The following NAALADL2 variants were observed in gnomAD, a reference collection of about 807,000 sequenced individuals.
The protein encoded by NAALADL2 is inactive N-acetylated-alpha-linked acidic dipeptidase-like protein 2.
Under a neutral mutation model 87.2 loss-of-function variants are expected in NAALADL2, and 76 were observed. The ratio of observed to expected loss-of-function variants is 0.87; its 90% CI spans 0.72 to 1.05. The LOEUF (loss-of-function observed/expected upper bound fraction) is 1.05, where lower values mean the gene tolerates loss of function less well. Ranked by LOEUF, NAALADL2 falls within the 50% of genes least tolerant of loss-of-function variation. The pLI, the probability that NAALADL2 is intolerant of heterozygous loss-of-function variation, is 0.00. For missense variants in NAALADL2, 1,089 were observed against 945.8 expected (o/e 1.15, Z -1.99); for synonymous variants, 354 against 331.0 (o/e 1.07, Z -0.75).
At chr3:174,840,397 G>C (rs1723886165) in intron 3 of NAALADL2, among the ~76,000 whole-genome samples, 1 of 152,022 alleles carries the variant, frequency 6.6e-6, no homozygotes. Flanking sequence ...TCGGAAGATA[G>C]GGTCATGTTT....
chr3:174,624,409 A>T (rs185410451), intron 2 of NAALADL2, among the ~76,000 whole-genome samples: 3 of 152,102 alleles, frequency 2.0e-5, no homozygotes, highest in African/African-American at 4.8e-5. Flanking sequence ...GGATCATTTG[A>T]GGTTAGGAGT....
intron 11 of NAALADL2, among the ~76,000 whole-genome samples, chr3:175,652,631 A>G (rs987373131): frequency 1.8e-4 from 27 of 151,060 alleles, no homozygotes; most frequent in Non-Finnish European, 1.8e-4. Context: ...GGCGCCCACC[A>G]CCGCGCCCGG....
intron 2 of NAALADL2, among the ~76,000 whole-genome samples, chr3:175,169,590 T>C (rs13068859): frequency 0.27 from 40,868 of 151,632 alleles, 6,158 homozygotes; most frequent in Non-Finnish European, 0.34. Flanking sequence ...AATGTGATAT[T>C]CTCATTTTGT....
chr3:174,526,309 G>A (rs1720742417), intron 1 of NAALADL2, among the ~76,000 whole-genome samples: 2 of 152,070 alleles, frequency 1.3e-5, no homozygotes, highest in South Asian at 4.1e-4. Context: ...ATTAGCATTG[G>A]GAACCTAGAC....
At chr3:174,630,083 A>G (rs969839819) in intron 2 of NAALADL2, among the ~76,000 whole-genome samples, 2 of 152,202 alleles carry the variant, frequency 1.3e-5, no homozygotes, top group African/African-American at 4.8e-5. Context: ...AAGGTAATGC[A>G]TTATGTCTAT....
At chr3:175,718,223 T>TTTTTTTTTTTTTTAAAA in intron 11 of NAALADL2, 1 of 1,009,324 alleles carries the variant, frequency 9.9e-7, no homozygotes, top group Non-Finnish European at 1.4e-6. Context: ...TTTTTTTTTT[T>TTTTTTTTTTTTTTAAAA]GATTAGTTGC....
rs142115929 is a variant in NAALADL2, at chr3:175,002,351, A to G, written c.44-94439A>G. On this transcript the variant is annotated intron_variant, in intron 1 of 13. Coordinates refer to ENST00000454872, the MANE Select transcript of NAALADL2 (RefSeq NM_207015.3). Reference sequence around the variant, plus strand: ...AGAAGATTATATTGTTCGAATGACCACTATATATGACCTAAAAAGCAAAAG... The same window carrying G: ...AGAAGATTATATTGTTCGAATGACCGCTATATATGACCTAAAAAGCAAAAG... 2.6e-3 allele frequency among the ~76,000 whole-genome samples: 397 copies of G among 152,318 alleles called. 2 individuals carry two copies. Among genetic ancestry groups the G allele is most frequent in the Admixed American group, 0.016 (249 of 15,286 alleles).
intron 11 of NAALADL2, among the ~76,000 whole-genome samples, chr3:175,735,040 T>C (rs1159521895): frequency 6.6e-6 from 1 of 152,198 alleles, no homozygotes; most frequent in South Asian, 2.1e-4. Context: ...CTGAATGCCT[T>C]TATCAGCACC....
At position 175,309,477 on chromosome 3, in the gene NAALADL2, T is replaced by C. The variant is rs564325447; in HGVS notation, c.940-14698T>C. 3.6e-4 allele frequency among the ~76,000 whole-genome samples: 55 copies of C among 152,238 alleles called. 1 individual carries two copies. The South Asian group carries it at 9.7e-3, about 27-fold the overall frequency. On this transcript the variant is annotated intron_variant, in intron 4 of 13. Transcript: ENST00000454872. ...CTGGGATTACAGGCATGAGCCACTG[T>C]GCCCAGCCCATTATCCTATTTTTAA... is the stretch of plus-strand genomic sequence containing the variant.
intron 2 of NAALADL2, among the ~76,000 whole-genome samples, chr3:175,207,337 A>G (rs1741093308): frequency 6.6e-6 from 1 of 151,962 alleles, no homozygotes; most frequent in Non-Finnish European, 1.5e-5. Context: ...TTACCTTAAG[A>G]TAATTAAAAA....
At chr3:175,741,597 G>A (rs1276967569) in intron 12 of NAALADL2, among the ~76,000 whole-genome samples, 1 of 151,586 alleles carries the variant, frequency 6.6e-6, no homozygotes, top group Non-Finnish European at 1.5e-5. Context: ...TTTTTTTTTA[G>A]GAGGGTAAGA....
intron 3 of NAALADL2, among the ~76,000 whole-genome samples, chr3:174,821,500 T>C (rs1025517000): frequency 6.6e-6 from 1 of 152,192 alleles, no homozygotes. Context: ...TTTTAAAATG[T>C]GATGTTTCTC....
At chr3:174,479,608 A>G (rs192968299) in intron 1 of NAALADL2, among the ~76,000 whole-genome samples, 1 of 152,238 alleles carries the variant, frequency 6.6e-6, no homozygotes, top group Non-Finnish European at 1.5e-5. Flanking sequence ...ATGCCTCATT[A>G]AGTCTACTGA....
intron 1 of NAALADL2, among the ~76,000 whole-genome samples, chr3:174,918,563 T>G (rs572126588): frequency 6.6e-6 from 1 of 152,282 alleles, no homozygotes; most frequent in African/African-American, 2.4e-5. Flanking sequence ...ATCTGGCGGT[T>G]GATTGGCTGA....
intron 9 of NAALADL2, among the ~76,000 whole-genome samples, chr3:175,498,727 G>T (rs6773590): frequency 0.032 from 4,849 of 152,032 alleles, 279 homozygotes; most frequent in African/African-American, 0.11. Flanking sequence ...TTTAGGGGCA[G>T]TATTTAAAAA....
At chr3:175,361,484 C>T (rs1213257926) in intron 5 of NAALADL2, among the ~76,000 whole-genome samples, 2 of 148,220 alleles carry the variant, frequency 1.3e-5, no homozygotes, top group Non-Finnish European at 3.0e-5. Context: ...GTCCCACCAA[C>T]AGTGTAAAAG....
Position 174,725,249 on chromosome 3 carries a change from A to G in NAALADL2, c.-114-12392A>G, listed in dbSNP as rs532323594. On this transcript the variant is annotated intron_variant, in intron 2 of 3. Transcript: ENST00000434257. ...TCTTAGGAGAATCCTTTGGCTTGGC[A>G]AAACTATAACATAACCTAATTCATT... is the stretch of plus-strand genomic sequence containing the variant. Among the ~76,000 whole-genome samples, 31 of 152,328 alleles carry G rather than the reference A, an allele frequency of 2.0e-4. No homozygotes were observed. In the East Asian group the frequency reaches 5.6e-3, roughly 27 times the overall value.
chr3:175,050,990 G>A (rs1158097608), intron 1 of NAALADL2, among the ~76,000 whole-genome samples: 5 of 152,174 alleles, frequency 3.3e-5, no homozygotes, highest in African/African-American at 9.7e-5. Context: ...AATATACTTA[G>A]TATGGGTTAA....
chr3:175,727,825 A>G (rs968124550), intron 11 of NAALADL2, among the ~76,000 whole-genome samples: 1 of 152,160 alleles, frequency 6.6e-6, no homozygotes, highest in Non-Finnish European at 1.5e-5. Flanking sequence ...TTTCTGCAGA[A>G]GAAACCCTCA....
Sources: gnomAD v4.1 joint callset for allele counts (sites outside exome capture counted in the v4.1 genomes callset) on GRCh38, gnomAD v4.1.1 for gene constraint, MANE v1.5 for transcripts, NCBI Gene and HGNC (gene_info 2026-07-23, HGNC 2026-07-21) for gene names.